C3orf70: variants seen among roughly 807,000 people sequenced by gnomAD.
The protein encoded by C3orf70 is chromosome 3 open reading frame 70.
In C3orf70, 15 loss-of-function variants were observed where a neutral mutation model predicts 20.7. That is an observed-to-expected ratio of 0.72 (90% confidence interval 0.48 to 1.11). The LOEUF (loss-of-function observed/expected upper bound fraction) is 1.11, where lower values mean the gene tolerates loss of function less well. Among genes scored for constraint, C3orf70 ranks in the 50% most tolerant of loss-of-function variants. The probability of loss-of-function intolerance (pLI) is 0.00; values close to 1 mark genes in which losing one functional copy is unlikely to be tolerated. For synonymous variants in C3orf70, 161 were observed against 125.7 expected (o/e 1.28, Z -1.88); for missense variants, 332 against 317.6 (o/e 1.05, Z -0.34).
intron 1 of C3orf70, among the ~76,000 whole-genome samples, chr3:185,106,980 A>G (rs1026166305): frequency 3.3e-5 from 5 of 152,214 alleles, no homozygotes; most frequent in African/African-American, 1.2e-4. Context: ...GTATGTGGAC[A>G]TGGGGAAAAG....
chr3:185,135,977 T>C (rs1716614753), intron 1 of C3orf70, among the ~76,000 whole-genome samples: 1 of 152,006 alleles, frequency 6.6e-6, no homozygotes, highest in Non-Finnish European at 1.5e-5. Context: ...AATAATCACA[T>C]AAAACATAAA....
Position 185,091,951 on chromosome 3 carries a change from ATATATATATATAT to A in C3orf70, c.197-8401_197-8389del, listed in dbSNP as rs1715594971. 3.8e-3 allele frequency among the ~76,000 whole-genome samples: 36 copies of A among 9,472 alleles called. 2 individuals carry two copies. Among genetic ancestry groups the A allele is most frequent in the Non-Finnish European group, 4.0e-3 (22 of 5,494 alleles). The allele number at this position is 9,472 out of a possible 152,430, so 6.2% of individuals were successfully genotyped here. On this transcript the variant is annotated intron_variant, in intron 1 of 1. Coordinates refer to ENST00000335012, the MANE Select transcript of C3orf70 (RefSeq NM_001025266.3). ...TATATATATATATATATATATATAT[ATATATATATATAT>A]TTTTTTTTTTTTTTAGTAGAGACAG... is the stretch of plus-strand genomic sequence containing the variant.
Position 185,082,955 on chromosome 3 carries a change from A to G in C3orf70, c.*52T>C. Reference sequence around the variant, plus strand: ...ATTGGAAAAAAGGATCCACCAGACAAAGGTACAAAAGCTCGGCGTGGGTCC... The same window carrying G: ...ATTGGAAAAAAGGATCCACCAGACAGAGGTACAAAAGCTCGGCGTGGGTCC... On this transcript the variant is annotated 3_prime_UTR_variant, in exon 2 of 2. Coordinates refer to ENST00000335012, the MANE Select transcript of C3orf70 (RefSeq NM_001025266.3). 1 of 1,545,778 alleles carries G rather than the reference A, an allele frequency of 6.5e-7. No individual in the cohort carries two copies. The highest frequency in any genetic ancestry group is 8.8e-7 in the Non-Finnish European group (1 of 1,141,608).
intron 1 of C3orf70, among the ~76,000 whole-genome samples, chr3:185,114,268 G>A (rs1716133466): frequency 6.6e-6 from 1 of 151,782 alleles, no homozygotes; most frequent in Non-Finnish European, 1.5e-5. Flanking sequence ...TGGTAACTTT[G>A]TTTTGTTATA....
At chr3:185,128,462 A>G (rs1332149366) in intron 1 of C3orf70, among the ~76,000 whole-genome samples, 1 of 150,094 alleles carries the variant, frequency 6.7e-6, no homozygotes, top group Non-Finnish European at 1.5e-5. Flanking sequence ...CCAGAAGCAG[A>G]GGTTGCAGTG....
intron 1 of C3orf70, among the ~76,000 whole-genome samples, chr3:185,113,229 G>A (rs927964115): frequency 6.7e-6 from 1 of 148,898 alleles, no homozygotes; most frequent in Non-Finnish European, 1.5e-5. Flanking sequence ...CAGATCATGA[G>A]GTCAGGAGAT....
chr3:185,093,724 G>A (rs573803185), intron 1 of C3orf70, among the ~76,000 whole-genome samples: 26 of 152,172 alleles, frequency 1.7e-4, no homozygotes, highest in Non-Finnish European at 3.8e-4. Flanking sequence ...TAAAAAGAGC[G>A]AGGACCTGAA....
At chr3:185,139,290 C>T (rs555215609) in intron 1 of C3orf70, among the ~76,000 whole-genome samples, 5 of 151,974 alleles carry the variant, frequency 3.3e-5, no homozygotes, top group Admixed American at 6.6e-5. Flanking sequence ...TGGTGGCTCA[C>T]GCCTGTAATC....
chr3:185,102,415 C>T (rs2108592911), intron 1 of C3orf70, among the ~76,000 whole-genome samples: 1 of 152,282 alleles, frequency 6.6e-6, no homozygotes, highest in South Asian at 2.1e-4. Context: ...AGAGATGACA[C>T]AAACAAATGG....
intron 1 of C3orf70, among the ~76,000 whole-genome samples, chr3:185,147,260 G>C (rs1377635673): frequency 6.6e-6 from 1 of 151,930 alleles, no homozygotes; most frequent in East Asian, 1.9e-4. Context: ...AGCCAACTCT[G>C]AGTTTGGCTG....
intron 1 of C3orf70, among the ~76,000 whole-genome samples, chr3:185,132,534 G>A (rs1716541943): frequency 1.3e-5 from 2 of 151,890 alleles, no homozygotes; most frequent in African/African-American, 4.8e-5. Context: ...AAAGCAGAAA[G>A]CATATCCGAA....
intron 1 of C3orf70, among the ~76,000 whole-genome samples, chr3:185,093,818 A>T (rs143064202): frequency 2.0e-5 from 3 of 152,140 alleles, no homozygotes; most frequent in Admixed American, 2.0e-4. Context: ...TGGTGAGGTG[A>T]CTGGCCTGAA....
intron 1 of C3orf70, among the ~76,000 whole-genome samples, chr3:185,123,163 A>AC (rs1716340087): frequency 1.7e-5 from 2 of 114,936 alleles, no homozygotes; most frequent in South Asian, 6.7e-4. Context: ...TGGGTGACAG[A>AC]CCGAGACTCC....
chr3:185,117,191 T>G (rs944954350), intron 1 of C3orf70, among the ~76,000 whole-genome samples: 1 of 152,234 alleles, frequency 6.6e-6, no homozygotes, highest in African/African-American at 2.4e-5. Flanking sequence ...AGCAACCTTG[T>G]CAATAAAAAT....
rs778304150 is a variant in C3orf70, at chr3:185,083,529, T to C, written c.231A>G (p.Glu77=). ...CAGGAATCTCAGTGCTTGGAAGCTGTTCCACAGGGGTCATAGGCTGATACA... is the reference window on the plus strand; with the variant it reads ...CAGGAATCTCAGTGCTTGGAAGCTGCTCCACAGGGGTCATAGGCTGATACA... The part of the protein sequence containing the change: ...KYMYQPMTPV[E]QLPSTEIPAR... Residue 77 remains glutamate (E), a synonymous_variant, in exon 2 of 2, where the codon GAA becomes GAG. Transcript: ENST00000335012. The C allele has an allele frequency of 6.2e-7, 1 of 1,611,354 alleles. No homozygotes were observed. Among genetic ancestry groups the C allele is most frequent in the Non-Finnish European group, 8.5e-7 (1 of 1,179,168 alleles).
chr3:185,126,163 T>C (rs1007466202), intron 1 of C3orf70, among the ~76,000 whole-genome samples: 3 of 152,214 alleles, frequency 2.0e-5, no homozygotes, highest in Non-Finnish European at 4.4e-5. Flanking sequence ...TCTATAATGT[T>C]CAACTTTTCT....
chr3:185,145,852 ATG>A (rs1716863155), intron 1 of C3orf70, among the ~76,000 whole-genome samples: 1 of 152,238 alleles, frequency 6.6e-6, no homozygotes, highest in African/African-American at 2.4e-5. Context: ...CATAGCCATG[ATG>A]TGTGTTATTT....
intron 1 of C3orf70, among the ~76,000 whole-genome samples, chr3:185,141,100 C>A (rs764880648): frequency 5.3e-5 from 8 of 152,144 alleles, no homozygotes; most frequent in Non-Finnish European, 8.8e-5. Context: ...CCCAAAGATG[C>A]TGGCACCCTT....
Position 185,083,429 on chromosome 3 carries a change from C to T in C3orf70, c.331G>A (p.Val111Ile). 2 of 1,614,088 alleles carry T rather than the reference C, an allele frequency of 1.2e-6. No individual in the cohort carries two copies. Among genetic ancestry groups the T allele is most frequent in the Non-Finnish European group, 8.5e-7 (1 of 1,180,030 alleles). ...LTEHFLKFASVFQPPLPPDSP... is the reference protein window; with the variant it reads ...LTEHFLKFASIFQPPLPPDSP... ...TCAGGGGGAAGGGGAGGCTGGAAGA[C>T]AGATGCAAATTTCAAAAAGTGTTCG... Residue 111 changes from valine (V) to isoleucine (I), a missense_variant, in exon 2 of 2, where the codon GTC (valine) becomes ATC (isoleucine). By Grantham distance (29) the Val-to-Ile change is conservative. Transcript: ENST00000335012.
Sources: allele counts gnomAD v4.1 joint callset (sites outside exome capture counted in the v4.1 genomes callset), GRCh38; gene constraint gnomAD v4.1.1; transcripts MANE v1.5; gene names NCBI Gene and HGNC (gene_info 2026-07-23, HGNC 2026-07-21).